The following RTCB variants were observed in gnomAD, a reference collection of about 807,000 sequenced individuals.
RTCB encodes the protein RNA-splicing ligase RTCB.
RTCB carries 32 observed loss-of-function variants against 58.2 expected under a neutral mutation model. The observed-to-expected ratio is 0.55, with a 90% CI of 0.41 to 0.74. RTCB has a LOEUF of 0.74. Ranked by LOEUF, RTCB falls within the 30% of genes least tolerant of loss-of-function variation. The pLI, the probability that RTCB is intolerant of heterozygous loss-of-function variation, is 0.00. For missense variants in RTCB, 523 were observed against 639.0 expected, an observed-to-expected ratio of 0.82 and a Z score of 1.96; for synonymous variants, 247 against 218.6, an observed-to-expected ratio of 1.13 and a Z score of -1.15.
At chr22:32,402,395 A>G (rs11089563) in intron 4 of RTCB, among the ~76,000 whole-genome samples, 1,792 of 152,278 alleles carry the variant, frequency 0.012, 24 homozygotes, top group African/African-American at 0.035. Flanking sequence ...TTAAGGCTGC[A>G]TGTTTCCATT....
chr22:32,390,739 C>T (rs1317137019), intron 11 of RTCB, among the ~76,000 whole-genome samples: 4 of 152,226 alleles, frequency 2.6e-5, no homozygotes, highest in Non-Finnish European at 4.4e-5. Context: ...TGAGCCACTG[C>T]ACCTGGCCAG....
chr22:32,392,166 CTG>C, intron 11 of RTCB, 72 bp downstream of exon 11: 1 of 1,460,748 alleles, frequency 6.8e-7, no homozygotes, highest in Non-Finnish European at 9.2e-7. Context: ...CCCTAAATTG[CTG>C]TCTCTGTAGA....
intron 6 of RTCB, 120 bp from the exon 7 acceptor site, chr22:32,398,220 G>T: frequency 8.9e-7 from 1 of 1,126,258 alleles, no homozygotes; most frequent in Non-Finnish European, 1.3e-6. Flanking sequence ...TAGTGTTTCA[G>T]TAACAAAAAA....
In RTCB at chr22:32,401,450, A is replaced by G. The variant is rs982719741; in HGVS notation, c.497+297T>C. 5 of 232,508 alleles carry G rather than the reference A, an allele frequency of 2.2e-5. 1 individual carries two copies. The South Asian group carries it at 4.2e-4, about 20-fold the overall frequency. The allele number at this position is 232,508 out of a possible 1,614,324, so 14.4% of individuals were successfully genotyped here. The stretch of plus-strand genomic sequence containing the variant: ...GTAAGTTAGGGAAGATAATAGGGTT[A>G]TTGTCTGGATGAAATGATATGATGC... On this transcript the variant is annotated intron_variant, in intron 5 of 11. Coordinates refer to ENST00000216038, the MANE Select transcript of RTCB (RefSeq NM_014306.5).
rs561639850 is a variant in RTCB at position 32,408,489 on chromosome 22, T to C, written c.173-247A>G. Among the ~76,000 whole-genome samples the C allele has an allele frequency of 6.6e-5, 10 of 152,250 alleles. No individual in the cohort carries two copies. In the South Asian group the frequency reaches 1.0e-3, roughly 16 times the overall value. On this transcript the variant is annotated intron_variant, in intron 2 of 11. Transcript: ENST00000216038. ...TGGAATATAGTAAGTGCAAAACAAA[T>C]GGTAGGTCACTTGCTATTATTGTTC...
In RTCB at chr22:32,409,574, TA is replaced by T. The variant is rs565370749; in HGVS notation, c.94-742del. Among the ~76,000 whole-genome samples the T allele has an allele frequency of 1.4e-4, 22 of 152,338 alleles. No homozygotes were observed. In the South Asian group the frequency reaches 3.9e-3, roughly 27 times the overall value. ...AATGGAGAACCAAAGATTTAACACTTAATCAATTGAATGTAGTTTTTATCAG... is the reference window on the plus strand; with the variant it reads ...AATGGAGAACCAAAGATTTAACACTTATCAATTGAATGTAGTTTTTATCAG... On this transcript the variant is annotated intron_variant, in intron 1 of 11. Coordinates refer to ENST00000216038, the MANE Select transcript of RTCB (RefSeq NM_014306.5).
intron 4 of RTCB, among the ~76,000 whole-genome samples, chr22:32,402,445 A>G (rs147763334): frequency 6.6e-6 from 1 of 152,068 alleles, no homozygotes; most frequent in Admixed American, 6.6e-5. Context: ...TTTTAGACAT[A>G]AGTACTTTTA....
At chr22:32,402,561 T>C (rs1933355416) in intron 4 of RTCB, among the ~76,000 whole-genome samples, 1 of 150,142 alleles carries the variant, frequency 6.7e-6, no homozygotes, top group Non-Finnish European at 1.5e-5. Context: ...GTGATTCTCC[T>C]GCCTCAGCCT....
chr22:32,409,340 G>A (rs1290441887), intron 1 of RTCB, among the ~76,000 whole-genome samples: 4 of 152,184 alleles, frequency 2.6e-5, no homozygotes, highest in African/African-American at 7.2e-5. Flanking sequence ...CAAATCTCTA[G>A]TTAGGTAAAT....
chr22:32,395,990 G>C, intron 8 of RTCB, 84 bp downstream of exon 8: 2 of 1,390,858 alleles, frequency 1.4e-6, no homozygotes, highest in Non-Finnish European at 2.0e-6. Flanking sequence ...ATGAGCCACC[G>C]TGTCCAGCCT....
At chr22:32,388,411 C>T (rs1401437380) in intron 11 of RTCB, among the ~76,000 whole-genome samples, 1 of 151,824 alleles carries the variant, frequency 6.6e-6, no homozygotes, top group Non-Finnish European at 1.5e-5. Flanking sequence ...TTGGAAGAAA[C>T]GGCACCCAAC....
In RTCB at chr22:32,401,824, C is replaced by T. The variant is rs1933340379; in HGVS notation, c.420G>A (p.Lys140=). ...NLDESDVQPV[K]EQLAQAMFDH... ...CAAACATAGCTTGGGCAAGTTGCTC[C>T]TTCACAGGCTGGACATCACTTTCAT... is the stretch of plus-strand genomic sequence containing the variant. The change falls in exon 5 of 12, where the codon AAG becomes AAA. Residue 140 remains lysine, a synonymous_variant. Coordinates refer to ENST00000216038, the MANE Select transcript of RTCB (RefSeq NM_014306.5). 6.2e-7 allele frequency: 1 copy of T among 1,613,948 alleles called. No individual in the cohort carries two copies. The highest frequency in any genetic ancestry group is 1.7e-5 in the Admixed American group (1 of 59,998).
rs1034695206 is a variant in RTCB, at chr22:32,395,951, C to T, written c.990+123G>A. 3.0e-5 allele frequency: 27 copies of T among 910,510 alleles called. No individual in the cohort carries two copies. The Admixed American group carries it at 5.0e-4, about 17-fold the overall frequency. The allele number at this position is 910,510 out of a possible 1,614,324, so 56.4% of individuals were successfully genotyped here. Reference sequence around the variant, plus strand: ...CCTAACCTTGTGATCCGCCCCCCCTCGGCCTCCCAAAGTGTTGGGATTACA... The same window carrying T: ...CCTAACCTTGTGATCCGCCCCCCCTTGGCCTCCCAAAGTGTTGGGATTACA... On this transcript the variant is annotated intron_variant, in intron 8 of 11. Coordinates refer to ENST00000216038, the MANE Select transcript of RTCB (RefSeq NM_014306.5).
At chr22:32,399,535 T>G in intron 6 of RTCB, 68 bp downstream of exon 6, 1 of 1,415,964 alleles carries the variant, frequency 7.1e-7, no homozygotes, top group Non-Finnish European at 9.7e-7. Flanking sequence ...AAGATATAGA[T>G]TTTTTTCCCC....
In RTCB at chr22:32,399,604, TGAGG is replaced by T; in HGVS notation, c.649_652del (p.Pro217SerfsTer39). On this transcript the variant is annotated frameshift_variant and splice_region_variant, in exon 6 of 12. Coordinates refer to ENST00000216038, the MANE Select transcript of RTCB (RefSeq NM_014306.5). LOFTEE classifies it high-confidence loss of function. ...TGTTGCCCCTCCAAAGTGAGTTACCTGAGGAAGGCCTCTTTTCTTCGCCCTTGCA... is the reference window on the plus strand; with the variant it reads ...TGTTGCCCCTCCAAAGTGAGTTACCTAAGGCCTCTTTTCTTCGCCCTTGCA... 1 of 1,609,956 alleles carries T rather than the reference TGAGG, an allele frequency of 6.2e-7. No individual in the cohort carries two copies. Among genetic ancestry groups the T allele is most frequent in the Non-Finnish European group, 8.5e-7 (1 of 1,177,798 alleles).
chr22:32,399,852 A>C, intron 5 of RTCB, 93 bp from the exon 6 acceptor site: 1 of 1,182,978 alleles, frequency 8.5e-7, no homozygotes. Context: ...GAAAAACTCG[A>C]CATTTACTAT....
rs928486396 is a variant in RTCB, at chr22:32,411,962, G to A, written c.93+102C>T. On this transcript the variant is annotated intron_variant, in intron 1 of 11. Transcript: ENST00000216038. ...GATGAGGGAAACTCTGCAAGGGGCC[G>A]GGGCGGACCCAGTGGTCAGGGGAGG... The A allele has an allele frequency of 4.9e-6, 4 of 821,060 alleles. No individual in the cohort carries two copies. In the South Asian group the frequency reaches 5.2e-5, roughly 11 times the overall value. The allele number at this position is 821,060 out of a possible 1,614,324, so 50.9% of individuals were successfully genotyped here.
intron 7 of RTCB, 113 bp downstream of exon 7, chr22:32,397,828 A>T: frequency 1.1e-6 from 1 of 925,996 alleles, no homozygotes; most frequent in Non-Finnish European, 1.6e-6. Context: ...CAAGTTATTT[A>T]ATTGTTGAGG....
At chr22:32,390,072 T>C (rs749886938) in intron 11 of RTCB, among the ~76,000 whole-genome samples, 1 of 152,226 alleles carries the variant, frequency 6.6e-6, no homozygotes, top group African/African-American at 2.4e-5. Context: ...TTTGCTCTAC[T>C]GTCACCTCAC....
Sources: allele counts gnomAD v4.1 joint callset (sites outside exome capture counted in the v4.1 genomes callset), GRCh38; gene constraint gnomAD v4.1.1; transcripts MANE v1.5; gene names NCBI Gene and HGNC (gene_info 2026-07-23, HGNC 2026-07-21).